The following ATF6 variants were observed in gnomAD, a reference collection of about 807,000 sequenced individuals.
The protein encoded by ATF6 is cyclic AMP-dependent transcription factor ATF-6 alpha.
A neutral mutation model predicts 83.6 loss-of-function variants in ATF6; 53 were observed. That is an observed-to-expected ratio of 0.63 (90% confidence interval 0.51 to 0.80). ATF6 has a LOEUF of 0.80. Among genes scored for constraint, ATF6 ranks in the 30% least tolerant of loss-of-function variants. The pLI is 0.00. For synonymous variants in ATF6, 288 were observed against 285.8 expected (o/e 1.01, Z -0.08); for missense variants, 744 against 797.9 (o/e 0.93, Z 0.81).
At chr1:161,814,830 C>T (rs1685572703) in intron 7 of ATF6, among the ~76,000 whole-genome samples, 1 of 151,988 alleles carries the variant, frequency 6.6e-6, no homozygotes. Context: ...AGTAGGATTG[C>T]CACAAATTAA....
Position 161,913,882 on chromosome 1 carries a change from G to A in ATF6, c.1804+1502G>A, listed in dbSNP as rs1436803263. ...CACTTAATTTTGTTCTTCTGATATTGGGTTCTTATGCAAGAGAATGCCTGG... is the reference window on the plus strand; with the variant it reads ...CACTTAATTTTGTTCTTCTGATATTAGGTTCTTATGCAAGAGAATGCCTGG... On this transcript the variant is annotated intron_variant, in intron 15 of 15. Transcript: ENST00000367942. 2.0e-5 allele frequency among the ~76,000 whole-genome samples: 3 copies of A among 152,110 alleles called. No homozygotes were observed. In the East Asian group the frequency reaches 5.8e-4, roughly 29 times the overall value.
At chr1:161,911,546 T>G (rs1687992329) in intron 14 of ATF6, among the ~76,000 whole-genome samples, 2 of 152,376 alleles carry the variant, frequency 1.3e-5, no homozygotes, top group South Asian at 4.1e-4. Flanking sequence ...ACAATTGTGC[T>G]AGGCATGTAT....
At chr1:161,834,681 C>T (rs1322486971) in intron 9 of ATF6, among the ~76,000 whole-genome samples, 3 of 150,932 alleles carry the variant, frequency 2.0e-5, no homozygotes, top group Non-Finnish European at 3.0e-5. Flanking sequence ...TGCTAAATGA[C>T]GAGTTAATGG....
intron 7 of ATF6, among the ~76,000 whole-genome samples, chr1:161,807,128 G>A (rs1331712231): frequency 1.3e-5 from 2 of 152,044 alleles, no homozygotes; most frequent in Non-Finnish European, 2.9e-5. Flanking sequence ...AGAGTGGTCC[G>A]GACCTTGCAT....
At chr1:161,796,560 A>G (rs921379379) in intron 6 of ATF6, among the ~76,000 whole-genome samples, 2 of 152,198 alleles carry the variant, frequency 1.3e-5, no homozygotes, top group Non-Finnish European at 2.9e-5. Context: ...AATTTATTTC[A>G]TATATCTTTG....
At chr1:161,926,178 A>G (rs955813679) in intron 15 of ATF6, among the ~76,000 whole-genome samples, 2 of 152,228 alleles carry the variant, frequency 1.3e-5, no homozygotes. Flanking sequence ...TAGGGACAAC[A>G]GTTAGAAAGT....
chr1:161,824,484 C>T (rs1483188140), intron 9 of ATF6, among the ~76,000 whole-genome samples: 4 of 151,614 alleles, frequency 2.6e-5, no homozygotes, highest in East Asian at 3.8e-4. Flanking sequence ...CATTCCCTAT[C>T]GCCTTTCTTT....
chr1:161,790,202 C>T (rs1016819008), intron 4 of ATF6, among the ~76,000 whole-genome samples: 1 of 151,970 alleles, frequency 6.6e-6, no homozygotes, highest in African/African-American at 2.4e-5. Context: ...TCTATTTCTT[C>T]TTCCTTTGTG....
At chr1:161,800,554 A>G (rs951983745) in intron 6 of ATF6, among the ~76,000 whole-genome samples, 1 of 152,226 alleles carries the variant, frequency 6.6e-6, no homozygotes, top group African/African-American at 2.4e-5. Flanking sequence ...ATGACATACC[A>G]TTAATACAGT....
intron 9 of ATF6, 22 bp from the exon 10 acceptor site, chr1:161,846,427 A>G: frequency 6.3e-7 from 1 of 1,592,106 alleles, no homozygotes; most frequent in South Asian, 1.1e-5. Flanking sequence ...TTCAGCTATT[A>G]TTTCCTGTTT....
At chr1:161,942,643 C>A (rs913179739) in intron 15 of ATF6, among the ~76,000 whole-genome samples, 2 of 152,152 alleles carry the variant, frequency 1.3e-5, no homozygotes, top group African/African-American at 4.8e-5. Context: ...CATATTTAAT[C>A]CTTAAGAACT....
At chr1:161,806,727 G>A (rs1221438879) in intron 7 of ATF6, among the ~76,000 whole-genome samples, 1 of 152,072 alleles carries the variant, frequency 6.6e-6, no homozygotes, top group Non-Finnish European at 1.5e-5. Context: ...CCCTTTGGGA[G>A]TCCCTGTCTT....
At chr1:161,813,336 C>T (rs944966917) in intron 7 of ATF6, among the ~76,000 whole-genome samples, 2 of 152,070 alleles carry the variant, frequency 1.3e-5, no homozygotes, top group African/African-American at 4.8e-5. Context: ...ATCCATATTT[C>T]ATTATATAGT....
chr1:161,897,343 G>A (rs1036936980), intron 14 of ATF6, among the ~76,000 whole-genome samples: 2 of 152,052 alleles, frequency 1.3e-5, no homozygotes, highest in Non-Finnish European at 2.9e-5. Context: ...TGAGGCGGGG[G>A]TGGGTGGATC....
At chr1:161,820,145 A>AGT (rs1233826990) in intron 8 of ATF6, among the ~76,000 whole-genome samples, 6 of 147,608 alleles carry the variant, frequency 4.1e-5, no homozygotes, top group African/African-American at 1.5e-4. Flanking sequence ...AAAAGAAAAC[A>AGT]ATATAAAAGT....
At chr1:161,834,560 G>T (rs1027148460) in intron 9 of ATF6, among the ~76,000 whole-genome samples, 2 of 147,268 alleles carry the variant, frequency 1.4e-5, no homozygotes, top group Admixed American at 1.4e-4. Flanking sequence ...TCACTCATAG[G>T]TGGGAATTGA....
chr1:161,903,851 G>T (rs999516577), intron 14 of ATF6, among the ~76,000 whole-genome samples: 8 of 152,328 alleles, frequency 5.3e-5, no homozygotes, highest in Admixed American at 4.6e-4. Flanking sequence ...TCTGGCCAGT[G>T]TTTGTGAATG....
intron 15 of ATF6, among the ~76,000 whole-genome samples, chr1:161,951,286 C>T (rs563943809): frequency 2.6e-5 from 4 of 152,296 alleles, no homozygotes; most frequent in Admixed American, 6.5e-5. Context: ...AAGGTCTTAA[C>T]AAAGTATTGT....
chr1:161,926,930 A>T (rs1384978567), intron 15 of ATF6, among the ~76,000 whole-genome samples: 1 of 152,104 alleles, frequency 6.6e-6, no homozygotes. Flanking sequence ...GTCATTGCTT[A>T]GTTTTATACT....
Sources: gnomAD v4.1 joint callset for allele counts (sites outside exome capture counted in the v4.1 genomes callset) on GRCh38, gnomAD v4.1.1 for gene constraint, MANE v1.5 for transcripts, NCBI Gene and HGNC (gene_info 2026-07-23, HGNC 2026-07-21) for gene names.